Variants in CDH12 observed in about 807,000 individuals in gnomAD.
CDH12 encodes the protein cadherin 12.
In CDH12, 41 loss-of-function variants were observed where a neutral mutation model predicts 74.1. The observed-to-expected ratio is 0.55, with a 90% CI of 0.43 to 0.72. The LOEUF (loss-of-function observed/expected upper bound fraction) is 0.72. Among genes scored for constraint, CDH12 ranks in the 30% least tolerant of loss-of-function variants. The pLI, the probability that CDH12 is intolerant of heterozygous loss-of-function variation, is 0.00. For synonymous variants in CDH12, 399 were observed against 355.0 expected (o/e 1.12, Z -1.39); for missense variants, 945 against 977.2 (o/e 0.97, Z 0.44).
intron 3 of CDH12, among the ~76,000 whole-genome samples, chr5:22,393,171 T>C (rs959087931): frequency 6.6e-6 from 1 of 152,116 alleles, no homozygotes; most frequent in African/African-American, 2.4e-5. Flanking sequence ...CAATGACATG[T>C]CCTTCCAAGA....
At position 22,487,082 on chromosome 5, in the gene CDH12, A is replaced by G. The variant is rs181435312; in HGVS notation, c.-428+18188T>C. On this transcript the variant is annotated intron_variant, in intron 2 of 14. Transcript: ENST00000382254. The stretch of plus-strand genomic sequence containing the variant: ...GTGTGGCATGATCTCAGCTTGCTGC[A>G]ACCTCTGCCTACTGGGTTCAAGCGA... 4.0e-5 allele frequency among the ~76,000 whole-genome samples: 6 copies of G among 151,212 alleles called. No homozygotes were observed. The South Asian group carries it at 8.4e-4, about 21-fold the overall frequency.
Position 22,529,409 on chromosome 5 carries a change from C to T in CDH12, c.-522-24045G>A, listed in dbSNP as rs753652368. On this transcript the variant is annotated intron_variant, in intron 1 of 14. Coordinates refer to ENST00000382254, the MANE Select transcript of CDH12 (RefSeq NM_004061.5). ...GTCTCAGCCTAAATTCTGACAGGCT[C>T]AAGATCCAGAAAGAGCTAATGTTCC... Among the ~76,000 whole-genome samples, 10 of 151,740 alleles carry T rather than the reference C, an allele frequency of 6.6e-5. No homozygotes were observed. The East Asian group carries it at 7.8e-4, about 12-fold the overall frequency.
At chr5:22,724,681 C>T (rs535575414) in intron 1 of CDH12, among the ~76,000 whole-genome samples, 9 of 151,854 alleles carry the variant, frequency 5.9e-5, no homozygotes, top group African/African-American at 2.2e-4. Flanking sequence ...GTGAATTGTG[C>T]TGCTCTAAGC....
chr5:22,304,789 C>A (rs1419744383), intron 3 of CDH12, among the ~76,000 whole-genome samples: 2 of 152,096 alleles, frequency 1.3e-5, no homozygotes, highest in East Asian at 3.9e-4. Flanking sequence ...AAAGAAGGAA[C>A]AAAGATATCA....
intron 3 of CDH12, among the ~76,000 whole-genome samples, chr5:22,360,754 T>C (rs1183579717): frequency 1.3e-5 from 2 of 152,170 alleles, no homozygotes; most frequent in Non-Finnish European, 2.9e-5. Flanking sequence ...GCTTCATCCC[T>C]GGGATGCAAG....
At chr5:22,419,706 G>T (rs1743554082) in intron 2 of CDH12, among the ~76,000 whole-genome samples, 1 of 152,124 alleles carries the variant, frequency 6.6e-6, no homozygotes, top group South Asian at 2.1e-4. Flanking sequence ...TCCAGCTGTA[G>T]GTATTTGAGG....
chr5:22,512,011 T>C (rs1447325394), intron 1 of CDH12, among the ~76,000 whole-genome samples: 1 of 151,878 alleles, frequency 6.6e-6, no homozygotes, highest in Non-Finnish European at 1.5e-5. Flanking sequence ...ATGTGTGATG[T>C]TAGAAAAGGT....
intron 1 of CDH12, among the ~76,000 whole-genome samples, chr5:22,792,406 G>T (rs756643595): frequency 6.6e-6 from 1 of 152,082 alleles, no homozygotes; most frequent in Non-Finnish European, 1.5e-5. Flanking sequence ...CCTTTTGATT[G>T]CAATTTGGCT....
In CDH12 at chr5:21,751,495, A is replaced by T. The variant is rs1234615690; in HGVS notation, c.*242T>A. The T allele has an allele frequency of 2.2e-6, 1 of 449,756 alleles. No homozygotes were observed. Among genetic ancestry groups the T allele is most frequent in the African/African-American group, 1.9e-5 (1 of 51,366 alleles). The allele number at this position is 449,756 out of a possible 1,614,324, so 27.9% of individuals were successfully genotyped here. On this transcript the variant is annotated 3_prime_UTR_variant, in exon 15 of 15. Transcript: ENST00000382254. ...TGTGAAAAAACAAAACAACAAAACAAAGCAAGTACACATTATAGGATGTAT... is the reference window on the plus strand; with the variant it reads ...TGTGAAAAAACAAAACAACAAAACATAGCAAGTACACATTATAGGATGTAT...
intron 1 of CDH12, among the ~76,000 whole-genome samples, chr5:22,770,144 C>T (rs998698329): frequency 2.7e-5 from 4 of 150,830 alleles, no homozygotes; most frequent in Non-Finnish European, 4.4e-5. Context: ...CATTCTTACA[C>T]CTGTGTATTG....
At chr5:22,486,509 T>C (rs1482848506) in intron 2 of CDH12, among the ~76,000 whole-genome samples, 4 of 149,290 alleles carry the variant, frequency 2.7e-5, no homozygotes, top group East Asian at 2.0e-4. Context: ...TGGAGTTCAA[T>C]GACACGATCT....
At chr5:21,770,691 C>G (rs546258264) in intron 11 of CDH12, among the ~76,000 whole-genome samples, 2 of 152,048 alleles carry the variant, frequency 1.3e-5, no homozygotes, top group African/African-American at 4.8e-5. Context: ...ACTCTTCGAC[C>G]CAGCAATCCC....
intron 8 of CDH12, among the ~76,000 whole-genome samples, chr5:21,825,031 G>A (rs983675407): frequency 6.6e-6 from 1 of 151,742 alleles, no homozygotes; most frequent in Non-Finnish European, 1.5e-5. Context: ...GTGTGTGCCC[G>A]TAATCCCAGT....
chr5:22,034,618 A>G (rs954198378), intron 5 of CDH12, among the ~76,000 whole-genome samples: 2 of 152,222 alleles, frequency 1.3e-5, no homozygotes, highest in Non-Finnish European at 2.9e-5. Flanking sequence ...TCACTCTTTT[A>G]CAAAGAATAG....
intron 10 of CDH12, among the ~76,000 whole-genome samples, chr5:21,794,158 G>A (rs1561190074): frequency 6.6e-6 from 1 of 151,206 alleles, no homozygotes; most frequent in African/African-American, 2.4e-5. Flanking sequence ...TTTTTCTTAA[G>A]GGCTCATACA....
At chr5:22,582,804 T>C (rs1023546737) in intron 1 of CDH12, among the ~76,000 whole-genome samples, 2 of 152,090 alleles carry the variant, frequency 1.3e-5, no homozygotes, top group African/African-American at 4.8e-5. Flanking sequence ...TCATGAAAGA[T>C]GGGATGGTCA....
At chr5:22,165,272 T>C (rs1417950399) in intron 4 of CDH12, among the ~76,000 whole-genome samples, 1 of 152,162 alleles carries the variant, frequency 6.6e-6, no homozygotes, top group Non-Finnish European at 1.5e-5. Context: ...TCATCCTCTG[T>C]TAATCTCCCT....
intron 8 of CDH12, among the ~76,000 whole-genome samples, chr5:21,832,521 C>T (rs1749081069): frequency 6.6e-6 from 1 of 151,490 alleles, no homozygotes; most frequent in Non-Finnish European, 1.5e-5. Flanking sequence ...CATTGTTAAG[C>T]TATTTGGAAG....
At chr5:22,208,074 C>T (rs11749821) in intron 4 of CDH12, among the ~76,000 whole-genome samples, 9,737 of 152,196 alleles carry the variant, frequency 0.064, 455 homozygotes, top group Middle Eastern at 0.1. Flanking sequence ...TGTCCAAGGC[C>T]ACAGAGCTAG....
Sources: gnomAD v4.1 joint callset for allele counts (sites outside exome capture counted in the v4.1 genomes callset) on GRCh38, gnomAD v4.1.1 for gene constraint, MANE v1.5 for transcripts, NCBI Gene and HGNC (gene_info 2026-07-23, HGNC 2026-07-21) for gene names.